The following TMEM214 variants were observed in gnomAD, a reference collection of about 807,000 sequenced individuals.
TMEM214 encodes the protein transmembrane protein 214.
A neutral mutation model predicts 89.8 loss-of-function variants in TMEM214; 71 were observed. That is an observed-to-expected ratio of 0.79 (90% CI 0.65 to 0.96). The LOEUF is 0.96. Ranked by LOEUF, TMEM214 falls within the 40% of genes least tolerant of loss-of-function variation. The pLI is 0.00. For synonymous variants in TMEM214, 332 were observed against 349.5 expected (o/e 0.95, Z 0.56); for missense variants, 754 against 843.4 (o/e 0.89, Z 1.31).
chr2:27,035,792 A>G (rs1558395969), intron 4 of TMEM214, 64 bp downstream of exon 4: 1 of 1,610,040 alleles, frequency 6.2e-7, no homozygotes, highest in Non-Finnish European at 8.5e-7. Context: ...TGCTTCCAGT[A>G]CCACTCAGTG....
chr2:27,039,422 A>G (rs1433532879), intron 13 of TMEM214: 1 of 590,576 alleles, frequency 1.7e-6, no homozygotes. Flanking sequence ...TTAACTCCTG[A>G]GGAAATGGTC....
Position 27,035,619 on chromosome 2 carries a change from G to A in TMEM214, c.528G>A (p.Arg176=). 1.2e-6 allele frequency: 2 copies of A among 1,614,192 alleles called. No individual in the cohort carries two copies. Among genetic ancestry groups the A allele is most frequent in the Admixed American group, 1.7e-5 (1 of 60,020 alleles). Residue 176 remains arginine (R), a synonymous_variant, in exon 4 of 17, where the codon CGG becomes CGA. Transcript: ENST00000238788. The stretch of plus-strand genomic sequence containing the variant: ...ATTATCCCTACAGCCTGGTGAGCCG[G>A]GAGCTACGTGGGATCATCCGAGGGC... ...THDYPYSLVS[R]ELRGIIRGLL...
In TMEM214 at chr2:27,034,443, A is replaced by G. The variant is rs1030945383; in HGVS notation, c.351+177A>G. The stretch of plus-strand genomic sequence containing the variant: ...GGGGAACAGAATGCCTGCACTTAGA[A>G]TAGAAAGGAAATGGAAAATTTATAG... On this transcript the variant is annotated intron_variant, in intron 2 of 16. Transcript: ENST00000238788. 4.3e-6 allele frequency: 3 copies of G among 696,582 alleles called. No individual in the cohort carries two copies. The South Asian group carries it at 6.0e-5, about 14-fold the overall frequency. 43.2% of individuals were successfully genotyped at this position (696,582 alleles called of 1,614,324 possible).
At position 27,040,098 on chromosome 2, in the gene TMEM214, T is replaced by C; in HGVS notation, c.1691T>C (p.Leu564Pro). 2 of 1,609,368 alleles carry C rather than the reference T, an allele frequency of 1.2e-6. No individual in the cohort carries two copies. Among genetic ancestry groups the C allele is most frequent in the Non-Finnish European group, 1.7e-6 (2 of 1,180,014 alleles). The change falls in exon 15 of 17, where the codon CTG (leucine) becomes CCG (proline). Residue 564 changes from leucine to proline, a missense_variant. By Grantham distance (98) the Leu-to-Pro change is moderately conservative. Transcript: ENST00000238788. ...LLTVVRPSLQLAWAHTNATVS... is the reference protein window; with the variant it reads ...LLTVVRPSLQPAWAHTNATVS... ...ACCGTGGTGCGGCCCAGCTTGCAGCTGGCCTGGGCTCACACCAATGCCACA... is the reference window on the plus strand; with the variant it reads ...ACCGTGGTGCGGCCCAGCTTGCAGCCGGCCTGGGCTCACACCAATGCCACA...
rs767676034 is a variant in TMEM214 at position 27,038,219 on chromosome 2, A to C, written c.1226A>C (p.Lys409Thr). 19 of 1,613,918 alleles carry C rather than the reference A, an allele frequency of 1.2e-5. No individual in the cohort carries two copies. The highest frequency in any genetic ancestry group is 1.6e-5 in the Non-Finnish European group (19 of 1,179,966). The change falls in exon 10 of 17, where the codon AAG becomes ACG. Residue 409 changes from lysine to threonine, a missense_variant. Physicochemically the swap from Lys to Thr is moderately conservative, Grantham distance 78. Transcript: ENST00000238788. The surrounding 1 kb of genome is among the most constrained non-coding windows in gnomAD (Gnocchi z 4.4). ...AGCGTCTGGAGGCAGCTGTACCCTA[A>C]GCACCTGTCACAGTCCAGGCAGGTG... is the stretch of plus-strand genomic sequence containing the variant. ...SASVWRQLYP[K>T]HLSQSSLLLE... is the part of the protein sequence containing the mutation.
Position 27,036,034 on chromosome 2 carries a change from C to G in TMEM214, c.702C>G (p.Ala234=), listed in dbSNP as rs200989108. 5.6e-4 allele frequency: 911 copies of G among 1,614,118 alleles called. 7 individuals are homozygous for G. In the South Asian group the frequency reaches 7.9e-3, roughly 14 times the overall value. The change falls in exon 5 of 17, where the codon GCC becomes GCG. Residue 234 remains alanine, a synonymous_variant. Transcript: ENST00000238788. ...QAILQDKPKI[A]TANLGKFLEL... ...TCCTGCAAGACAAGCCCAAGATTGC[C>G]ACGGCAAACCTAGGCAAGGTGAGCT... is the stretch of plus-strand genomic sequence containing the variant.
chr2:27,040,703 C>T lies in TMEM214; in HGVS notation c.1944-8C>T, dbSNP rs756731549. 3.1e-6 allele frequency: 5 copies of T among 1,613,286 alleles called. No homozygotes were observed. Among genetic ancestry groups the T allele is most frequent in the Middle Eastern group, 1.6e-4 (1 of 6,082 alleles). ...TGCATACTCAAAAATGTTCCACTTT[C>T]CTTCCAGAGGTGAGGTGACCTGGGA... On this transcript the variant is annotated splice_region_variant and splice_polypyrimidine_tract_variant and intron_variant, in intron 16 of 16. Coordinates refer to ENST00000238788, the MANE Select transcript of TMEM214 (RefSeq NM_017727.5).
chr2:27,036,983 C>T, intron 7 of TMEM214, 94 bp from the exon 8 acceptor site: 1 of 1,212,234 alleles, frequency 8.2e-7, no homozygotes, highest in Non-Finnish European at 1.2e-6. Flanking sequence ...AGAGTTTATA[C>T]CCTTTTTCCT....
intron 13 of TMEM214, 131 bp downstream of exon 13, chr2:27,039,295 T>A (rs557434677): frequency 1.3e-6 from 1 of 742,072 alleles, no homozygotes; most frequent in Admixed American, 2.5e-5. Context: ...GTAAACACTT[T>A]ACAGACAGAT....
Position 27,036,563 on chromosome 2 carries a change from GT to G in TMEM214, c.801del (p.Phe267LeufsTer8). ...ATCATGTGGGCCCTGGGTCAAGCAGGTTTTGCCAACCTCACCGAGGGACTGA... is the reference window on the plus strand; with the variant it reads ...ATCATGTGGGCCCTGGGTCAAGCAGGTTTGCCAACCTCACCGAGGGACTGA... ...LTIMWALGQA[G>X]FANLTEGLKV... On this transcript the variant is annotated frameshift_variant, in exon 6 of 17. Transcript: ENST00000238788. LOFTEE classifies it high-confidence loss of function. 3 of 1,614,214 alleles carry G rather than the reference GT, an allele frequency of 1.9e-6. No individual in the cohort carries two copies. The highest frequency in any genetic ancestry group is 2.5e-6 in the Non-Finnish European group (3 of 1,180,038).
Position 27,037,683 on chromosome 2 carries a change from C to T in TMEM214, c.1133C>T (p.Pro378Leu), listed in dbSNP as rs765005912. Reference sequence around the variant, plus strand: ...CTGTCCAGAGCCACCCCTAGCTGTCCCCCTGAGATGAAGAAAGAGGTGAGG... The same window carrying T: ...CTGTCCAGAGCCACCCCTAGCTGTCTCCCTGAGATGAAGAAAGAGGTGAGG... ...SFLSRATPSC[P>L]PEMKKELLSS... Residue 378 changes from proline to leucine, a missense_variant, in exon 9 of 17, where the codon CCC (proline) becomes CTC (leucine). Transcript: ENST00000238788. 6.2e-7 allele frequency: 1 copy of T among 1,614,120 alleles called. No individual in the cohort carries two copies. The highest frequency in any genetic ancestry group is 8.5e-7 in the Non-Finnish European group (1 of 1,180,008).
In TMEM214 at chr2:27,038,938, A is replaced by C. The variant is rs1667693769; in HGVS notation, c.1408-109A>C. 9 of 1,444,396 alleles carry C rather than the reference A, an allele frequency of 6.2e-6. No individual in the cohort carries two copies. The highest frequency in any genetic ancestry group is 8.7e-6 in the Non-Finnish European group (9 of 1,032,538). 89.5% of individuals were successfully genotyped at this position (1,444,396 alleles called of 1,614,324 possible). On this transcript the variant is annotated intron_variant, in intron 12 of 16. Transcript: ENST00000238788. This position sits in a 1 kb window ranked among gnomAD's most constrained non-coding sequence, Gnocchi z 4.4. ...TGGAGCCCCCCGCTGCCTCCAGGAT[A>C]ATGTGAAGGCTTGACGCTCTTTCGG...
In TMEM214 at chr2:27,036,557, A is replaced by T; in HGVS notation, c.791A>T (p.Gln264Leu). 2 of 1,614,200 alleles carry T rather than the reference A, an allele frequency of 1.2e-6. No homozygotes were observed. Among genetic ancestry groups the T allele is most frequent in the Non-Finnish European group, 1.7e-6 (2 of 1,180,030 alleles). Residue 264 changes from glutamine to leucine, a missense_variant, in exon 6 of 17, where the codon CAA (glutamine) becomes CTA (leucine). Gln to Leu is a moderately radical substitution (Grantham distance 113). Transcript: ENST00000238788. ...CTCACCATCATGTGGGCCCTGGGTC[A>T]AGCAGGTTTTGCCAACCTCACCGAG... ...KCLTIMWALG[Q>L]AGFANLTEGL...
At chr2:27,035,925 G>A (rs771529121) in intron 4 of TMEM214, 45 bp from the exon 5 acceptor site, 1 of 1,606,732 alleles carries the variant, frequency 6.2e-7, no homozygotes, top group Non-Finnish European at 8.5e-7. Flanking sequence ...TCAGGTTTGG[G>A]ATGCCAAATA....
At chr2:27,037,495 C>T in intron 8 of TMEM214, 66 bp from the exon 9 acceptor site, 1 of 1,601,726 alleles carries the variant, frequency 6.2e-7, no homozygotes, top group South Asian at 1.1e-5. Flanking sequence ...CTGAAGCAAG[C>T]AAAAGGTTCA....
chr2:27,036,682 C>T, intron 6 of TMEM214, 23 bp from the exon 7 acceptor site: 2 of 1,614,120 alleles, frequency 1.2e-6, no homozygotes, highest in East Asian at 4.5e-5. Context: ...CTGAGGCCTC[C>T]CTCGTGACTT....
In TMEM214 at chr2:27,037,553, C is replaced by T. The variant is rs766378345; in HGVS notation, c.1011-8C>T. 2 of 1,614,174 alleles carry T rather than the reference C, an allele frequency of 1.2e-6. No individual in the cohort carries two copies. The highest frequency in any genetic ancestry group is 1.7e-6 in the Non-Finnish European group (2 of 1,180,022). On this transcript the variant is annotated splice_region_variant and splice_polypyrimidine_tract_variant and intron_variant, in intron 8 of 16. Transcript: ENST00000238788. ...CTTATGCCTGTCTTTCCTCCCCACC[C>T]CACCCAGCCTGCAGGAGCAGCTGTG...
At chr2:27,035,334 A>G (rs747550929) in intron 3 of TMEM214, 49 bp downstream of exon 3, 12 of 1,612,032 alleles carry the variant, frequency 7.4e-6, no homozygotes, top group African/African-American at 4.0e-5. Flanking sequence ...AATAAATTCA[A>G]AAAGGGTGGT....
At chr2:27,037,447 G>C (rs1667614341) in intron 8 of TMEM214, 114 bp from the exon 9 acceptor site, 1 of 1,303,386 alleles carries the variant, frequency 7.7e-7, no homozygotes, top group Non-Finnish European at 1.1e-6. Context: ...GCCATTGCAA[G>C]GTCCTCAGTG....
Sources: gnomAD v4.1 joint callset for allele counts on GRCh38, gnomAD v4.1.1 for gene constraint, Gnocchi (gnomAD v3.1) non-coding constraint, MANE v1.5 for transcripts, NCBI Gene and HGNC (gene_info 2026-07-23, HGNC 2026-07-21) for gene names.